Variants in PRPF19 observed in about 807,000 individuals in gnomAD.
PRPF19 encodes the protein pre-mRNA-processing factor 19.
A neutral mutation model predicts 64.2 loss-of-function variants in PRPF19; 2 were observed. That is an observed-to-expected ratio of 0.03 (90% CI 0.01 to 0.10). PRPF19 has a LOEUF of 0.10. Among genes scored for constraint, PRPF19 ranks in the 10% least tolerant of loss-of-function variants. The pLI, the probability that PRPF19 is intolerant of heterozygous loss-of-function variation, is 1.00. For synonymous variants in PRPF19, 226 were observed against 251.6 expected (o/e 0.90, Z 0.96); for missense variants, 314 against 650.0 (o/e 0.48, Z 5.62).
Position 60,902,350 on chromosome 11 carries a change from T to C in PRPF19, c.525+53A>G, listed in dbSNP as rs1270492916. The C allele has an allele frequency of 4.5e-6, 7 of 1,557,916 alleles. No individual in the cohort carries two copies. Among genetic ancestry groups the C allele is most frequent in the Middle Eastern group, 2.1e-4 (1 of 4,710 alleles). On this transcript the variant is annotated intron_variant, in intron 6 of 15. Transcript: ENST00000227524. The surrounding 1 kb of genome is among the most constrained non-coding windows in gnomAD (Gnocchi z 5.0). Reference sequence around the variant, plus strand: ...TTAGTCACGATGGACTCCAGACAGATGGTGAAAAGTAAGGGCCCATCAGCA... The same window carrying C: ...TTAGTCACGATGGACTCCAGACAGACGGTGAAAAGTAAGGGCCCATCAGCA...
At position 60,898,740 on chromosome 11, in the gene PRPF19, C is replaced by T. The variant is rs993250614; in HGVS notation, c.1055-114G>A. 1.2e-5 allele frequency: 18 copies of T among 1,559,260 alleles called. No individual in the cohort carries two copies. Among genetic ancestry groups the T allele is most frequent in the African/African-American group, 6.9e-5 (5 of 72,544 alleles). Reference sequence around the variant, plus strand: ...TCCTCAGTGAACCCAGCACAAAGCCCGCACTAGACAGGTGCTCATGGTAAA... The same window carrying T: ...TCCTCAGTGAACCCAGCACAAAGCCTGCACTAGACAGGTGCTCATGGTAAA... On this transcript the variant is annotated intron_variant, in intron 12 of 15. Coordinates refer to ENST00000227524, the MANE Select transcript of PRPF19 (RefSeq NM_014502.5). The surrounding 1 kb of genome is among the most constrained non-coding windows in gnomAD (Gnocchi z 4.6).
intron 15 of PRPF19, among the ~76,000 whole-genome samples, chr11:60,895,143 G>C (rs1036245667): frequency 6.6e-6 from 1 of 152,208 alleles, no homozygotes; most frequent in African/African-American, 2.4e-5. Context: ...TTTGCATCTT[G>C]GAAACCAGGC....
Position 60,899,388 on chromosome 11 carries a change from C to T in PRPF19, c.829-84G>A, listed in dbSNP as rs1590606930. On this transcript the variant is annotated intron_variant, in intron 10 of 15. Transcript: ENST00000227524. Reference sequence around the variant, plus strand: ...TCTTATAAAACGGGGCTGGGGATGCCCACAACTGCCAACAATTGCTTCTCC... The same window carrying T: ...TCTTATAAAACGGGGCTGGGGATGCTCACAACTGCCAACAATTGCTTCTCC... 4 of 1,385,912 alleles carry T rather than the reference C, an allele frequency of 2.9e-6. No homozygotes were observed. In the East Asian group the frequency reaches 7.1e-5, roughly 25 times the overall value. 85.9% of individuals were successfully genotyped at this position (1,385,912 alleles called of 1,614,324 possible). A position where few individuals can be genotyped will look rare whatever the true frequency, so the allele number is the denominator to read the frequency against.
In PRPF19 at chr11:60,899,176, G is replaced by A; in HGVS notation, c.957C>T (p.Asp319=). The part of the protein sequence containing the change: ...VTGLSLHATG[D]YLLSSSDDQY... ...GATCATCGGAGGAGCTCAGGAGATA[G>A]TCGCCAGTGGCATGAAGGCTGAGGC... Residue 319 remains aspartate, a synonymous_variant, in exon 11 of 16, where the codon GAC becomes GAT. Coordinates refer to ENST00000227524, the MANE Select transcript of PRPF19 (RefSeq NM_014502.5). The A allele has an allele frequency of 6.2e-7, 1 of 1,613,512 alleles. No homozygotes were observed. The highest frequency in any genetic ancestry group is 8.5e-7 in the Non-Finnish European group (1 of 1,179,760).
Position 60,902,922 on chromosome 11 carries a change from G to T in PRPF19, c.247-41C>A, listed in dbSNP as rs1265870281. 1.9e-6 allele frequency: 3 copies of T among 1,602,418 alleles called. No homozygotes were observed. The Admixed American group carries it at 5.0e-5, about 27-fold the overall frequency. ...ATCATTGTAAGGTGAGGTGGGGGGT[G>T]CAGGGAGTACCCAGTGGAGTCAGCC... On this transcript the variant is annotated intron_variant, in intron 3 of 15. Transcript: ENST00000227524. The surrounding 1 kb of genome is among the most constrained non-coding windows in gnomAD (Gnocchi z 5.0).
At position 60,901,546 on chromosome 11, in the gene PRPF19, G is replaced by A. The variant is rs1328982009; in HGVS notation, c.526-6C>T. The A allele has an allele frequency of 6.2e-7, 1 of 1,614,138 alleles. No individual in the cohort carries two copies. Among genetic ancestry groups the A allele is most frequent in the Non-Finnish European group, 8.5e-7 (1 of 1,180,024 alleles). ...ACAGTGGCTTTGTCTTGAAGCTGGG[G>A]AAGAACAGGCTCAATGTGAGACAAA... On this transcript the variant is annotated splice_region_variant and splice_polypyrimidine_tract_variant and intron_variant, in intron 6 of 15. Coordinates refer to ENST00000227524, the MANE Select transcript of PRPF19 (RefSeq NM_014502.5).
intron 15 of PRPF19, among the ~76,000 whole-genome samples, chr11:60,892,986 C>T (rs761008247): frequency 6.6e-6 from 1 of 152,130 alleles, no homozygotes; most frequent in Admixed American, 6.5e-5. Flanking sequence ...CCCCTACTCC[C>T]TTCTGCAGTT....
In PRPF19 at chr11:60,899,254, G is replaced by A. The variant is rs2134861846; in HGVS notation, c.879C>T (p.Val293=). 3.1e-6 allele frequency: 5 copies of A among 1,613,634 alleles called. No homozygotes were observed. The highest frequency in any genetic ancestry group is 4.2e-6 in the Non-Finnish European group (5 of 1,179,514). ...CCACCTGTACACAAGAGGCATTGGGGACCGACCAAATCCTGATAGTGGCAT... is the reference window on the plus strand; with the variant it reads ...CCACCTGTACACAAGAGGCATTGGGAACCGACCAAATCCTGATAGTGGCAT... ...SPDATIRIWS[V]PNASCVQVVR... The change falls in exon 11 of 16, where the codon GTC becomes GTT. Residue 293 remains valine (V), a synonymous_variant. Coordinates refer to ENST00000227524, the MANE Select transcript of PRPF19 (RefSeq NM_014502.5).
rs56955516 is a variant in PRPF19 at position 60,891,094 on chromosome 11, ACCC to A, written c.*69_*71del. ...CCCCCTCCCCCCATAGATTCCCCCC[ACCC>A]CCCCCCCCAAACCCTAATTCTACCC... On this transcript the variant is annotated 3_prime_UTR_variant, in exon 16 of 16. Coordinates refer to ENST00000227524, the MANE Select transcript of PRPF19 (RefSeq NM_014502.5). 3.2e-3 allele frequency: 523 copies of A among 161,674 alleles called. 5 individuals are homozygous for A. The highest frequency in any genetic ancestry group is 9.2e-3 in the Middle Eastern group (4 of 436). 10.0% of individuals were successfully genotyped at this position (161,674 alleles called of 1,614,324 possible). A position where few individuals can be genotyped will look rare whatever the true frequency, so the allele number is the denominator to read the frequency against.
In PRPF19 at chr11:60,890,760, T is replaced by C. The variant is rs554914425; in HGVS notation, c.*406A>G. The C allele has an allele frequency of 6.5e-6, 3 of 458,648 alleles. No individual in the cohort carries two copies. Among genetic ancestry groups the C allele is most frequent in the South Asian group, 4.6e-5 (3 of 64,570 alleles). 28.4% of individuals were successfully genotyped at this position (458,648 alleles called of 1,614,324 possible). On this transcript the variant is annotated 3_prime_UTR_variant, in exon 16 of 16. Coordinates refer to ENST00000227524, the MANE Select transcript of PRPF19 (RefSeq NM_014502.5). Reference sequence around the variant, plus strand: ...GTTTTCTTTTTTTAATGAAACTAGATCACTGCTTACAAAACCCTGCACAAG... The same window carrying C: ...GTTTTCTTTTTTTAATGAAACTAGACCACTGCTTACAAAACCCTGCACAAG...
chr11:60,899,271 T>C lies in PRPF19; in HGVS notation c.862A>G (p.Ile288Val), dbSNP rs1855955878. Residue 288 changes from isoleucine to valine, a missense_variant, in exon 11 of 16, where the codon ATC (isoleucine) becomes GTC (valine). Ile to Val is a conservative substitution (Grantham distance 29). Around this residue, in one of 7 missense-constraint regions of PRPF19, gnomAD observed 175 missense variants for 342.9 expected, o/e 0.51. Transcript: ENST00000227524. The stretch of plus-strand genomic sequence containing the variant: ...GCATTGGGGACCGACCAAATCCTGA[T>C]AGTGGCATCGGGGGAAGCAGAAAAC... ...LVFSASPDAT[I>V]RIWSVPNASC... is the part of the protein sequence containing the mutation. 6.2e-7 allele frequency: 1 copy of C among 1,613,234 alleles called. No individual in the cohort carries two copies. The highest frequency in any genetic ancestry group is 8.5e-7 in the Non-Finnish European group (1 of 1,179,208).
rs1280452278 is a variant in PRPF19, at chr11:60,900,624, G to A, written c.786C>T (p.Gly262=). Residue 262 remains glycine, a synonymous_variant, in exon 10 of 16, where the codon GGC becomes GGT. Transcript: ENST00000227524. ...SSEQILATLK[G]HTKKVTSVVF... ...CCACGCTGGTGACCTTCTTGGTATG[G>A]CCTTTGAGGGTAGCCAGGATTTGTT... 1 of 1,558,200 alleles carries A rather than the reference G, an allele frequency of 6.4e-7. No homozygotes were observed. Among genetic ancestry groups the A allele is most frequent in the East Asian group, 2.4e-5 (1 of 42,046 alleles).
rs752206535 is a variant in PRPF19, at chr11:60,903,754, T to G, written c.127A>C (p.Asn43His). The G allele has an allele frequency of 6.3e-7, 1 of 1,599,790 alleles. No homozygotes were observed. Among genetic ancestry groups the G allele is most frequent in the South Asian group, 1.1e-5 (1 of 89,802 alleles). ...YIAENGTDPI[N>H]NQPLSEEQLI... ...TGCTCCTCGGAGAGAGGCTGGTTGT[T>G]GATGGGGTCGGTACCATTCTCCGCA... The change falls in exon 2 of 16, where the codon AAC becomes CAC. Residue 43 changes from asparagine to histidine, a missense_variant. Coordinates refer to ENST00000227524, the MANE Select transcript of PRPF19 (RefSeq NM_014502.5).
At chr11:60,899,361 A>G (rs187103063) in intron 10 of PRPF19, 57 bp from the exon 11 acceptor site, 1 of 1,527,328 alleles carries the variant, frequency 6.5e-7, no homozygotes, top group African/African-American at 1.4e-5. Context: ...AGACCAAAAC[A>G]ATCTTATAAA....
In PRPF19 at chr11:60,898,405, C is replaced by T; in HGVS notation, c.1141-134G>A. On this transcript the variant is annotated intron_variant, in intron 13 of 15. Coordinates refer to ENST00000227524, the MANE Select transcript of PRPF19 (RefSeq NM_014502.5). This position sits in a 1 kb window ranked among gnomAD's most constrained non-coding sequence, Gnocchi z 4.6. ...ACAGCCAGCGGGACCCCCCAGACCA[C>T]ACCATCATATCACACACGCACAGCC... 1 of 1,527,658 alleles carries T rather than the reference C, an allele frequency of 6.5e-7. No homozygotes were observed. The highest frequency in any genetic ancestry group is 8.8e-7 in the Non-Finnish European group (1 of 1,130,796). The allele number at this position is 1,527,658 out of a possible 1,614,324, so 94.6% of individuals were successfully genotyped here. A position where few individuals can be genotyped will look rare whatever the true frequency, so the allele number is the denominator to read the frequency against.
chr11:60,891,882 T>G (rs1204342187), intron 15 of PRPF19, among the ~76,000 whole-genome samples: 1 of 152,238 alleles, frequency 6.6e-6, no homozygotes, highest in African/African-American at 2.4e-5. Context: ...TGAGCCATAT[T>G]GTTAGGATGG....
chr11:60,897,377 C>T (rs893527883), intron 15 of PRPF19, among the ~76,000 whole-genome samples: 5 of 152,218 alleles, frequency 3.3e-5, no homozygotes, highest in Non-Finnish European at 5.9e-5. Flanking sequence ...TGTAAGTTCA[C>T]TCTACAATGG....
Position 60,906,373 on chromosome 11 carries a change from T to C in PRPF19, c.10A>G (p.Ile4Val), listed in dbSNP as rs1211899098. 7.5e-6 allele frequency: 12 copies of C among 1,599,286 alleles called. No homozygotes were observed. Among genetic ancestry groups the C allele is most frequent in the South Asian group, 1.1e-5 (1 of 89,212 alleles). MSL[I>V]CSISNEVPEH... ...CGCAGCCAACACTCACTGGAGCAGA[T>C]TAGGGACATGGCGCCGTCACCGTGC... is the stretch of plus-strand genomic sequence containing the variant. Residue 4 changes from isoleucine (I) to valine (V), a missense_variant, in exon 1 of 16, where the codon ATC (isoleucine) becomes GTC (valine). By Grantham distance (29) the Ile-to-Val change is conservative. Coordinates refer to ENST00000227524, the MANE Select transcript of PRPF19 (RefSeq NM_014502.5).
intron 1 of PRPF19, chr11:60,905,553 A>G (rs1039361303): frequency 1.3e-5 from 2 of 152,286 alleles, no homozygotes; most frequent in Non-Finnish European, 2.9e-5. Context: ...ATGATAAAAT[A>G]TCAAAGGGAA....
Sources: allele counts gnomAD v4.1 joint callset (sites outside exome capture counted in the v4.1 genomes callset), GRCh38; gene constraint gnomAD v4.1.1; regional missense constraint gnomAD v4.1.1; non-coding constraint Gnocchi (gnomAD v3.1); transcripts MANE v1.5; gene names NCBI Gene and HGNC (gene_info 2026-07-23, HGNC 2026-07-21).